SNTG1: variants seen among roughly 807,000 people sequenced by gnomAD.
SNTG1 encodes the protein syntrophin gamma 1, also known as gamma-1-syntrophin.
A neutral mutation model predicts 74.7 loss-of-function variants in SNTG1; 39 were observed. That is an observed-to-expected ratio of 0.52 (90% CI 0.40 to 0.68). The LOEUF (loss-of-function observed/expected upper bound fraction) is 0.68. SNTG1 is among the 30% of genes least tolerant of loss of function. The probability of loss-of-function intolerance (pLI) is 0.00; values close to 1 mark genes in which losing one functional copy is unlikely to be tolerated. For missense variants in SNTG1, 685 were observed against 609.5 expected (o/e 1.12, Z -1.30); for synonymous variants, 254 against 217.1 (o/e 1.17, Z -1.49).
At chr8:50,148,013 G>A (rs936420688) in intron 1 of SNTG1, among the ~76,000 whole-genome samples, 2 of 152,078 alleles carry the variant, frequency 1.3e-5, no homozygotes, top group Non-Finnish European at 1.5e-5. Context: ...TAAAGATCAG[G>A]TTATATCAGA....
At chr8:50,206,007 C>T (rs1314968580) in intron 2 of SNTG1, among the ~76,000 whole-genome samples, 8 of 152,236 alleles carry the variant, frequency 5.3e-5, no homozygotes, top group South Asian at 2.1e-4. Context: ...AGTGTGATGC[C>T]TCCAGCTTTG....
intron 5 of SNTG1, among the ~76,000 whole-genome samples, chr8:50,441,706 A>C (rs1050431761): frequency 3.3e-5 from 5 of 152,022 alleles, no homozygotes; most frequent in Non-Finnish European, 7.4e-5. Flanking sequence ...CATTCTTTGG[A>C]GTTTCTTACC....
chr8:50,750,603 T>C (rs1423079596), intron 17 of SNTG1, among the ~76,000 whole-genome samples: 1 of 151,908 alleles, frequency 6.6e-6, no homozygotes, highest in Non-Finnish European at 1.5e-5. Context: ...GCAATCACCA[T>C]CCTGATGAGC....
In SNTG1 at chr8:50,783,201, T is replaced by C. The variant is rs951455596; in HGVS notation, c.1396-9470T>C. Among the ~76,000 whole-genome samples the C allele has an allele frequency of 2.0e-5, 3 of 152,214 alleles. No homozygotes were observed. In the East Asian group the frequency reaches 5.8e-4, roughly 29 times the overall value. On this transcript the variant is annotated intron_variant, in intron 18 of 18. Transcript: ENST00000642720. Reference sequence around the variant, plus strand: ...CATTCTCAGATCTCCAGCTGCCTGCTTGGAGAACCACTGCTCTCTTCAAAG... The same window carrying C: ...CATTCTCAGATCTCCAGCTGCCTGCCTGGAGAACCACTGCTCTCTTCAAAG...
At chr8:50,670,450 A>G (rs2095274897) in intron 15 of SNTG1, among the ~76,000 whole-genome samples, 2 of 151,774 alleles carry the variant, frequency 1.3e-5, no homozygotes, top group Non-Finnish European at 2.9e-5. Context: ...CAATTGCTTC[A>G]AAGAGAATAA....
intron 1 of SNTG1, among the ~76,000 whole-genome samples, chr8:50,105,718 T>C (rs1174889245): frequency 6.6e-6 from 1 of 152,138 alleles, no homozygotes; most frequent in Non-Finnish European, 1.5e-5. Flanking sequence ...AGCAGTGTTT[T>C]GTAAATCTCA....
chr8:50,570,588 G>GTTATTATTATTA (rs1165108196), intron 12 of SNTG1, among the ~76,000 whole-genome samples: 1 of 86,876 alleles, frequency 1.2e-5, no homozygotes, highest in African/African-American at 4.3e-5. Context: ...TATTATTATT[G>GTTATTATTATTA]TTGTTATTAT....
chr8:50,769,097 T>C (rs2095620810), intron 18 of SNTG1, among the ~76,000 whole-genome samples: 1 of 151,844 alleles, frequency 6.6e-6, no homozygotes, highest in Admixed American at 6.6e-5. Context: ...TATTTTCAAA[T>C]CTCCTATTCT....
At chr8:50,082,316 C>T (rs892718554) in intron 1 of SNTG1, among the ~76,000 whole-genome samples, 1 of 152,066 alleles carries the variant, frequency 6.6e-6, no homozygotes, top group Admixed American at 6.5e-5. Flanking sequence ...TGGTTACACT[C>T]TTGTTTCTTT....
chr8:50,006,637 C>T (rs1815266771), intron 1 of SNTG1, among the ~76,000 whole-genome samples: 2 of 152,132 alleles, frequency 1.3e-5, no homozygotes, highest in African/African-American at 4.8e-5. Flanking sequence ...AGCTGTCTCA[C>T]TTTTGAGCCT....
rs1424440542 is a variant in SNTG1, at chr8:50,208,503, A to T, written c.-28+35868A>T. Among the ~76,000 whole-genome samples the T allele has an allele frequency of 3.1e-4, 47 of 151,980 alleles. 1 individual carries two copies. Among genetic ancestry groups the T allele is most frequent in the Non-Finnish European group, 8.8e-5 (6 of 68,010 alleles). ...GAATACAGCACACTGACGGGTCTTG[A>T]CTGTTTATCCAATTTACCATTCTGT... On this transcript the variant is annotated intron_variant, in intron 2 of 18. Coordinates refer to ENST00000642720, the MANE Select transcript of SNTG1 (RefSeq NM_018967.5).
chr8:50,531,716 C>T (rs963280155), intron 10 of SNTG1, among the ~76,000 whole-genome samples: 14 of 152,118 alleles, frequency 9.2e-5, no homozygotes, highest in African/African-American at 3.4e-4. Context: ...AGAGGTTGTT[C>T]CTGAGAGTGC....
chr8:50,594,965 A>C (rs374511632), intron 13 of SNTG1, among the ~76,000 whole-genome samples: 1 of 151,824 alleles, frequency 6.6e-6, no homozygotes, highest in Non-Finnish European at 1.5e-5. Flanking sequence ...ATACCCTAAA[A>C]TTTATAATCT....
chr8:50,186,341 T>A (rs1438599537), intron 2 of SNTG1, among the ~76,000 whole-genome samples: 1 of 152,162 alleles, frequency 6.6e-6, no homozygotes, highest in African/African-American at 2.4e-5. Context: ...AGTAGAATGA[T>A]TTATATTCCT....
chr8:50,541,957 A>G (rs1585626069), intron 11 of SNTG1, among the ~76,000 whole-genome samples: 1 of 151,658 alleles, frequency 6.6e-6, no homozygotes, highest in South Asian at 2.1e-4. Flanking sequence ...ACTCAATATA[A>G]TGACCTCAAA....
At chr8:50,786,481 CTGCCTTTTTT>C (rs1315005749) in intron 18 of SNTG1, among the ~76,000 whole-genome samples, 1 of 151,898 alleles carries the variant, frequency 6.6e-6, no homozygotes, top group Admixed American at 6.6e-5. Context: ...AAAATGCCAA[CTGCCTTTTTT>C]TCAGAAATGG....
intron 11 of SNTG1, among the ~76,000 whole-genome samples, chr8:50,547,252 CA>C (rs1274525381): frequency 2.0e-5 from 3 of 152,164 alleles, no homozygotes; most frequent in African/African-American, 4.8e-5. Flanking sequence ...AGGAGGTCCA[CA>C]AGGACTGGTC....
At chr8:50,371,911 G>A (rs1376847490) in intron 2 of SNTG1, among the ~76,000 whole-genome samples, 2 of 151,836 alleles carry the variant, frequency 1.3e-5, no homozygotes, top group Admixed American at 1.3e-4. Context: ...TTACTGTCAG[G>A]CTTATATCAA....
At chr8:50,562,360 T>G (rs893767224) in intron 12 of SNTG1, among the ~76,000 whole-genome samples, 2 of 152,148 alleles carry the variant, frequency 1.3e-5, no homozygotes, top group Non-Finnish European at 2.9e-5. Context: ...TCTCTACAAG[T>G]GTAAGAAGTC....
Sources: allele counts gnomAD v4.1 joint callset (sites outside exome capture counted in the v4.1 genomes callset), GRCh38; gene constraint gnomAD v4.1.1; transcripts MANE v1.5; gene names NCBI Gene and HGNC (gene_info 2026-07-23, HGNC 2026-07-21).